Variants in ANKS1B observed in about 807,000 individuals in gnomAD.
ANKS1B encodes ankyrin repeat and sterile alpha motif domain-containing protein 1B.
In ANKS1B, 36 loss-of-function variants were observed where a neutral mutation model predicts 148.3. The observed-to-expected ratio is 0.24, with a 90% CI of 0.19 to 0.32. The LOEUF is 0.32. Ranked by LOEUF, ANKS1B falls within the 10% of genes least tolerant of loss-of-function variation. ANKS1B has a pLI of 1.00. For missense variants in ANKS1B, 1,157 were observed against 1,542.6 expected, an observed-to-expected ratio of 0.75 and a Z score of 4.19; for synonymous variants, 542 against 560.8, an observed-to-expected ratio of 0.97 and a Z score of 0.47.
chr12:99,184,766 T>G (rs1422244501), intron 14 of ANKS1B, among the ~76,000 whole-genome samples: 1 of 152,184 alleles, frequency 6.6e-6, no homozygotes, highest in East Asian at 1.9e-4. Context: ...AGACCTGAAT[T>G]TCCTCTGCCA....
intron 17 of ANKS1B, among the ~76,000 whole-genome samples, chr12:98,917,263 T>C (rs1266833890): frequency 1.3e-5 from 2 of 152,206 alleles, no homozygotes. Flanking sequence ...ACTTTCTCAA[T>C]GTCACACTGC....
chr12:99,119,775 C>T (rs2153722212), intron 15 of ANKS1B, among the ~76,000 whole-genome samples: 1 of 152,226 alleles, frequency 6.6e-6, no homozygotes, highest in South Asian at 2.1e-4. Context: ...TTCAGCAAGT[C>T]CTCACTTAAT....
chr12:98,948,130 T>C (rs1190093941), intron 17 of ANKS1B, among the ~76,000 whole-genome samples: 1 of 152,208 alleles, frequency 6.6e-6, no homozygotes, highest in Non-Finnish European at 1.5e-5. Context: ...CTTGTGCTGG[T>C]ATTACTTTTG....
chr12:99,327,171 A>ATAATTC (rs2086517690), intron 12 of ANKS1B, among the ~76,000 whole-genome samples: 1 of 119,678 alleles, frequency 8.4e-6, no homozygotes, highest in South Asian at 2.3e-4. Flanking sequence ...ATATATAATT[A>ATAATTC]TATTATATAT....
intron 8 of ANKS1B, among the ~76,000 whole-genome samples, chr12:99,655,980 G>C (rs570620578): frequency 6.6e-6 from 1 of 152,110 alleles, no homozygotes; most frequent in Non-Finnish European, 1.5e-5. Context: ...TGTAGGTGGG[G>C]CAGAAACAGA....
At chr12:99,396,518 T>G (rs976603579) in intron 12 of ANKS1B, among the ~76,000 whole-genome samples, 2 of 152,194 alleles carry the variant, frequency 1.3e-5, no homozygotes, top group Admixed American at 6.5e-5. Flanking sequence ...TAACATGGTA[T>G]TGGAAACCAT....
At position 98,738,130 on chromosome 12, in the gene ANKS1B, A is replaced by G. The variant is rs111372847; in HGVS notation, c.691-2496T>C. Among the ~76,000 whole-genome samples the G allele has an allele frequency of 7.1e-4, 108 of 152,382 alleles. 1 individual carries two copies. Among genetic ancestry groups the G allele is most frequent in the African/African-American group, 2.4e-3 (101 of 41,592 alleles). ...AAGGGGGTCACATTTGAGACGTAGC[A>G]GAGACCAGGCCTTTGAAGTCCTCTG... On this transcript the variant is annotated intron_variant, in intron 9 of 9. Transcript: ENST00000341752.
At chr12:98,928,055 A>G (rs879655366) in intron 17 of ANKS1B, among the ~76,000 whole-genome samples, 9 of 148,850 alleles carry the variant, frequency 6.0e-5, no homozygotes, top group Non-Finnish European at 1.3e-4. Flanking sequence ...ACTGACCAAG[A>G]AAAAAAAAAG....
At chr12:99,589,926 T>C (rs2097682465) in intron 9 of ANKS1B, among the ~76,000 whole-genome samples, 1 of 152,110 alleles carries the variant, frequency 6.6e-6, no homozygotes, top group Admixed American at 6.6e-5. Context: ...AAAATATCAC[T>C]TGTACCCCAT....
chr12:99,980,526 A>G (rs750035459), intron 1 of ANKS1B, among the ~76,000 whole-genome samples: 3 of 151,964 alleles, frequency 2.0e-5, no homozygotes, highest in Non-Finnish European at 4.4e-5. Flanking sequence ...TGGTTTTCTT[A>G]TTCAGCCATA....
chr12:99,056,381 T>C (rs1484140384), intron 16 of ANKS1B, among the ~76,000 whole-genome samples: 1 of 152,210 alleles, frequency 6.6e-6, no homozygotes, highest in Non-Finnish European at 1.5e-5. Context: ...AAAGCAATGA[T>C]CCCATCTGTT....
At chr12:99,017,868 C>T (rs978939467) in intron 17 of ANKS1B, among the ~76,000 whole-genome samples, 5 of 152,114 alleles carry the variant, frequency 3.3e-5, no homozygotes, top group East Asian at 1.9e-4. Context: ...ATGGCCTTGG[C>T]GGGATGGGAG....
chr12:99,816,600 G>A (rs909123705), intron 2 of ANKS1B, among the ~76,000 whole-genome samples: 3 of 151,502 alleles, frequency 2.0e-5, no homozygotes, highest in Non-Finnish European at 4.4e-5. Flanking sequence ...CTTATTCAAA[G>A]ATACCAGCTA....
At chr12:98,891,469 T>C (rs2099752493) in intron 17 of ANKS1B, among the ~76,000 whole-genome samples, 1 of 152,176 alleles carries the variant, frequency 6.6e-6, no homozygotes, top group Non-Finnish European at 1.5e-5. Context: ...TGAACAGGAA[T>C]GGTTTTCATT....
chr12:99,489,609 C>T (rs2096536627), intron 10 of ANKS1B, among the ~76,000 whole-genome samples: 1 of 152,142 alleles, frequency 6.6e-6, no homozygotes, highest in Non-Finnish European at 1.5e-5. Flanking sequence ...AAGATTTACA[C>T]AAATCACTTT....
At chr12:99,731,108 T>G (rs1267537684) in intron 8 of ANKS1B, among the ~76,000 whole-genome samples, 2 of 151,762 alleles carry the variant, frequency 1.3e-5, no homozygotes, top group Admixed American at 1.3e-4. Flanking sequence ...ACCTGGCTAA[T>G]TTTGTTTTAT....
intron 8 of ANKS1B, among the ~76,000 whole-genome samples, chr12:99,677,908 G>A (rs568121107): frequency 3.1e-4 from 47 of 152,324 alleles, no homozygotes; most frequent in African/African-American, 1.1e-3. Flanking sequence ...GGGAGGTGGC[G>A]GTTGCAGTGA....
chr12:98,913,338 G>T (rs1409549597), intron 17 of ANKS1B, among the ~76,000 whole-genome samples: 1 of 151,994 alleles, frequency 6.6e-6, no homozygotes, highest in Admixed American at 6.6e-5. Context: ...TGACATTCAG[G>T]ACCATACTCT....
chr12:99,565,822 T>C (rs1412725296), intron 9 of ANKS1B, among the ~76,000 whole-genome samples: 1 of 152,172 alleles, frequency 6.6e-6, no homozygotes, highest in East Asian at 1.9e-4. Flanking sequence ...CTTCCATGGA[T>C]TTCACAGGGA....
Sources: allele counts gnomAD v4.1 joint callset (sites outside exome capture counted in the v4.1 genomes callset), GRCh38; gene constraint gnomAD v4.1.1; transcripts MANE v1.5; gene names NCBI Gene and HGNC (gene_info 2026-07-23, HGNC 2026-07-21).